The following CLSTN1 variants were observed in gnomAD, a reference collection of about 807,000 sequenced individuals.
CLSTN1 encodes calsyntenin-1.
CLSTN1 carries 28 observed loss-of-function variants against 108.3 expected under a neutral mutation model. The ratio of observed to expected loss-of-function variants is 0.26; its 90% CI spans 0.19 to 0.35. The LOEUF is 0.35. Ranked by LOEUF, CLSTN1 falls within the 10% of genes least tolerant of loss-of-function variation. The pLI is 1.00. For synonymous variants in CLSTN1, 524 were observed against 534.9 expected, an observed-to-expected ratio of 0.98 and a Z score of 0.28; for missense variants, 1,157 against 1,302.6, an observed-to-expected ratio of 0.89 and a Z score of 1.72.
chr1:9,796,993 C>T (rs551572548), intron 1 of CLSTN1, among the ~76,000 whole-genome samples: 2 of 152,224 alleles, frequency 1.3e-5, no homozygotes, highest in Admixed American at 1.3e-4. Flanking sequence ...AAACATCAAG[C>T]TTGAAGATGA....
intron 9 of CLSTN1, 116 bp downstream of exon 9, chr1:9,743,768 G>C: frequency 8.8e-7 from 1 of 1,142,742 alleles, no homozygotes; most frequent in East Asian, 2.5e-5. Flanking sequence ...ATGTTGCCCA[G>C]GCTGGTCTCG....
intron 1 of CLSTN1, among the ~76,000 whole-genome samples, chr1:9,802,044 G>T (rs536395538): frequency 1.3e-5 from 2 of 152,140 alleles, no homozygotes; most frequent in African/African-American, 4.8e-5. Context: ...TGTGAGAGGG[G>T]TATTATTATC....
Position 9,814,488 on chromosome 1 carries a change from A to C in CLSTN1, c.91+9155T>G, listed in dbSNP as rs116518255. ...ACTTTGAATCTAAAGACATATTTCT[A>C]AGCATTTTATATGTTTGAAGATTGG... On this transcript the variant is annotated intron_variant, in intron 1 of 18. Transcript: ENST00000377298. Among the ~76,000 whole-genome samples, 697 of 152,348 alleles carry C rather than the reference A, an allele frequency of 4.6e-3. 2 individuals are homozygous for C. The highest frequency in any genetic ancestry group is 0.015 in the African/African-American group (631 of 41,582).
intron 1 of CLSTN1, among the ~76,000 whole-genome samples, chr1:9,796,185 C>T (rs955407007): frequency 1.3e-5 from 2 of 149,502 alleles, no homozygotes; most frequent in African/African-American, 4.9e-5. Flanking sequence ...CTGCTTGAAC[C>T]TAGGAGGCAG....
intron 7 of CLSTN1, 69 bp from the exon 8 acceptor site, chr1:9,744,712 C>T (rs1001716246): frequency 6.6e-7 from 1 of 1,504,432 alleles, no homozygotes; most frequent in Non-Finnish European, 8.9e-7. Flanking sequence ...AGCCCCCAGG[C>T]ACGTGCTTGT....
At chr1:9,756,133 G>A (rs1222618368) in intron 3 of CLSTN1, among the ~76,000 whole-genome samples, 1 of 152,176 alleles carries the variant, frequency 6.6e-6, no homozygotes, top group East Asian at 1.9e-4. Context: ...TTTTGATGTC[G>A]ATGTGAAACT....
intron 1 of CLSTN1, among the ~76,000 whole-genome samples, chr1:9,786,309 T>C (rs895412716): frequency 5.3e-5 from 8 of 152,134 alleles, no homozygotes; most frequent in African/African-American, 1.9e-4. Flanking sequence ...AGGACAAGCA[T>C]CATACCACCA....
At chr1:9,783,654 G>A (rs567963427) in intron 1 of CLSTN1, among the ~76,000 whole-genome samples, 8 of 151,730 alleles carry the variant, frequency 5.3e-5, no homozygotes, top group Admixed American at 3.9e-4. Flanking sequence ...TCAGGAGTTC[G>A]AGACCAGCCT....
chr1:9,824,052 G>C (rs1655309983), upstream of CLSTN1: 3 of 147,302 alleles, frequency 2.0e-5, no homozygotes, highest in African/African-American at 7.4e-5. This position sits in a 1 kb window ranked among gnomAD's most constrained non-coding sequence, Gnocchi z 5.0. Flanking sequence ...GGAGCGACGC[G>C]AGGCGCGCGC....
chr1:9,754,998 T>C, intron 4 of CLSTN1, 116 bp downstream of exon 4: 1 of 766,430 alleles, frequency 1.3e-6, no homozygotes, highest in Non-Finnish European at 2.1e-6. Flanking sequence ...TTGAGAACTA[T>C]CTTCTGCCTA....
chr1:9,815,869 G>C (rs1262377673), intron 1 of CLSTN1, among the ~76,000 whole-genome samples: 1 of 152,208 alleles, frequency 6.6e-6, no homozygotes, highest in East Asian at 1.9e-4. Context: ...CCAGGAGGCG[G>C]AGGCTGCAGT....
At chr1:9,767,018 G>A (rs773450928) in intron 2 of CLSTN1, among the ~76,000 whole-genome samples, 1 of 152,244 alleles carries the variant, frequency 6.6e-6, no homozygotes, top group African/African-American at 2.4e-5. Context: ...TTCACACAGT[G>A]AGCTGGGCCC....
chr1:9,759,022 T>C (rs1241726943), intron 2 of CLSTN1, among the ~76,000 whole-genome samples: 3 of 152,154 alleles, frequency 2.0e-5, no homozygotes, highest in Admixed American at 2.0e-4. Context: ...TCAGTTACAC[T>C]GGCCAGTTCT....
chr1:9,792,189 G>A (rs1653799809), intron 1 of CLSTN1, among the ~76,000 whole-genome samples: 1 of 150,568 alleles, frequency 6.6e-6, no homozygotes, highest in Non-Finnish European at 1.5e-5. Context: ...ACTTCAAGGG[G>A]AAAAACAACA....
chr1:9,777,049 G>A (rs928904826), intron 1 of CLSTN1, among the ~76,000 whole-genome samples: 2 of 151,710 alleles, frequency 1.3e-5, no homozygotes, highest in Non-Finnish European at 2.9e-5. Context: ...AAACCCTCCT[G>A]TCTTTACTAA....
At chr1:9,749,417 C>A in intron 7 of CLSTN1, 44 bp downstream of exon 7, 1 of 1,559,890 alleles carries the variant, frequency 6.4e-7, no homozygotes, top group South Asian at 1.2e-5. Context: ...TCCCTCCCAC[C>A]TTCACCAAAG....
chr1:9,749,433 C>T (rs377638326), intron 7 of CLSTN1, 28 bp downstream of exon 7: 111 of 1,582,962 alleles, frequency 7.0e-5, no homozygotes, highest in Non-Finnish European at 8.7e-5. Flanking sequence ...CAAAGCCAGC[C>T]GGATGCAAGA....
Position 9,730,218 on chromosome 1 carries a change from G to T in CLSTN1, c.*290C>A, listed in dbSNP as rs926726389. On this transcript the variant is annotated 3_prime_UTR_variant, in exon 19 of 19. Transcript: ENST00000377298. The surrounding 1 kb of genome is among the most constrained non-coding windows in gnomAD (Gnocchi z 5.6). ...GGGGCCAGTGTCCTCTCCCCGGGGG[G>T]AGACTCCAGACACAAACGCGGGGCC... 3 of 506,934 alleles carry T rather than the reference G, an allele frequency of 5.9e-6. No individual in the cohort carries two copies. The highest frequency in any genetic ancestry group is 7.2e-6 in the Non-Finnish European group (2 of 279,468). The allele number at this position is 506,934 out of a possible 1,614,324, so 31.4% of individuals were successfully genotyped here.
At chr1:9,818,619 G>A (rs1179188455) in intron 1 of CLSTN1, among the ~76,000 whole-genome samples, 8 of 150,778 alleles carry the variant, frequency 5.3e-5, no homozygotes, top group Non-Finnish European at 8.9e-5. Flanking sequence ...GAGCCACCGC[G>A]CCAGGCCTTG....
Sources: gnomAD v4.1 joint callset for allele counts (sites outside exome capture counted in the v4.1 genomes callset) on GRCh38, gnomAD v4.1.1 for gene constraint, Gnocchi (gnomAD v3.1) non-coding constraint, MANE v1.5 for transcripts, NCBI Gene and HGNC (gene_info 2026-07-23, HGNC 2026-07-21) for gene names.